ARHGEF18: variants seen among roughly 807,000 people sequenced by gnomAD.
The protein encoded by ARHGEF18 is Rho/Rac guanine nucleotide exchange factor 18.
A neutral mutation model predicts 155.7 loss-of-function variants in ARHGEF18; 93 were observed. That is an observed-to-expected ratio of 0.60 (90% CI 0.50 to 0.71). The LOEUF is 0.71. ARHGEF18 is among the 30% of genes least tolerant of loss of function. The probability of loss-of-function intolerance (pLI) is 0.00; values close to 1 mark genes in which losing one functional copy is unlikely to be tolerated. For synonymous variants in ARHGEF18, 742 were observed against 753.1 expected (o/e 0.99, Z 0.24); for missense variants, 1,593 against 1,816.1 (o/e 0.88, Z 2.23).
At chr19:7,449,732 A>G (rs1207802690) in intron 15 of ARHGEF18, among the ~76,000 whole-genome samples, 1 of 152,086 alleles carries the variant, frequency 6.6e-6, no homozygotes, top group East Asian at 1.9e-4. Context: ...GCTGGAGTGC[A>G]ATGGAAGAAT....
chr19:7,401,862 TGTG>T (rs1260813614), intron 10 of ARHGEF18, among the ~76,000 whole-genome samples: 2 of 151,992 alleles, frequency 1.3e-5, no homozygotes, highest in Non-Finnish European at 2.9e-5. Context: ...ATACATAAAA[TGTG>T]GTCCCGCCAT....
At position 7,440,964 on chromosome 19, in the gene ARHGEF18, C is replaced by T. The variant is rs1241830696; in HGVS notation, c.1106+482C>T. Among the ~76,000 whole-genome samples the T allele has an allele frequency of 1.3e-5, 2 of 152,016 alleles. No individual in the cohort carries two copies. The highest frequency in any genetic ancestry group is 3.9e-4 in the East Asian group (2 of 5,184). On this transcript the variant is annotated intron_variant, in intron 11 of 28. Transcript: ENST00000668164. This position sits in a 1 kb window ranked among gnomAD's most constrained non-coding sequence, Gnocchi z 5.4. ...GGAAAGGGAGTAAATTATCATTTTC[C>T]TCTGAGTAAGGACTGCCCTCCCACC...
chr19:7,405,806 G>C (rs377623704), intron 10 of ARHGEF18, among the ~76,000 whole-genome samples: 17 of 152,064 alleles, frequency 1.1e-4, no homozygotes, highest in African/African-American at 4.1e-4. Context: ...CTGTTTTGTA[G>C]AGATGGGGTT....
At chr19:7,460,285 T>TGG (rs1976133771) in intron 20 of ARHGEF18, among the ~76,000 whole-genome samples, 1 of 151,834 alleles carries the variant, frequency 6.6e-6, no homozygotes. Context: ...CACCACCCCA[T>TGG]CCTCGTGCAG....
chr19:7,397,748 T>A (rs113459316), intron 10 of ARHGEF18, among the ~76,000 whole-genome samples: 4,273 of 148,852 alleles, frequency 0.029, 176 homozygotes, highest in African/African-American at 0.092. Context: ...AAAAAAAAAA[T>A]TTTTTTTGTG....
At position 7,467,657 on chromosome 19, in the gene ARHGEF18, C is replaced by T. The variant is rs957393625; in HGVS notation, c.3453C>T (p.Gly1151=). 14 of 1,512,968 alleles carry T rather than the reference C, an allele frequency of 9.3e-6. No individual in the cohort carries two copies. Among genetic ancestry groups the T allele is most frequent in the South Asian group, 1.2e-5 (1 of 81,732 alleles). 93.7% of individuals were successfully genotyped at this position (1,512,968 alleles called of 1,614,324 possible). A position where few individuals can be genotyped will look rare whatever the true frequency, so the allele number is the denominator to read the frequency against. Residue 1151 remains glycine, a synonymous_variant, in exon 26 of 29, where the codon GGC becomes GGT. Transcript: ENST00000668164. ...RRLKKQNTAP[G]ALPPDTLAEA... is the part of the protein sequence containing the mutation. ...TCAAGAAGCAGAACACCGCGCCAGG[C>T]GCGCTGCCGCCCGACACACTGGCCG... is the stretch of plus-strand genomic sequence containing the variant.
At chr19:7,442,103 C>T (rs778264828) in intron 13 of ARHGEF18, 51 bp downstream of exon 13, 1 of 1,592,718 alleles carries the variant, frequency 6.3e-7, no homozygotes, top group Non-Finnish European at 8.6e-7. Flanking sequence ...ACTCTCTTCT[C>T]TGCTCCCTCC....
downstream of ARHGEF18, chr19:7,477,059 G>GC (rs1441019267): frequency 5.7e-6 from 4 of 696,290 alleles, no homozygotes; most frequent in Non-Finnish European, 8.4e-6. Flanking sequence ...GGGGGACCTC[G>GC]CATCAGTCCC....
At chr19:7,377,971 T>C (rs1970540119) in intron 5 of ARHGEF18, among the ~76,000 whole-genome samples, 1 of 151,858 alleles carries the variant, frequency 6.6e-6, no homozygotes, top group South Asian at 2.1e-4. Flanking sequence ...TGTGCGCCTG[T>C]AATCCCAGCT....
At chr19:7,416,333 G>T (rs1351934815) in intron 10 of ARHGEF18, among the ~76,000 whole-genome samples, 3 of 152,014 alleles carry the variant, frequency 2.0e-5, no homozygotes, top group Non-Finnish European at 4.4e-5. Context: ...TTGATTCCTT[G>T]AGCCCAGGAG....
chr19:7,459,368 ACAC>A (rs1350531699), intron 19 of ARHGEF18, among the ~76,000 whole-genome samples: 5 of 152,018 alleles, frequency 3.3e-5, no homozygotes, highest in Non-Finnish European at 7.4e-5. Flanking sequence ...CTACAGGCAT[ACAC>A]CACCACACCC....
chr19:7,455,949 T>TA (rs1304520895), intron 17 of ARHGEF18, among the ~76,000 whole-genome samples: 1 of 152,188 alleles, frequency 6.6e-6, no homozygotes, highest in Non-Finnish European at 1.5e-5. Flanking sequence ...AGGTCCCTCT[T>TA]ACAGCACGTG....
chr19:7,462,206 A>G lies in ARHGEF18; in HGVS notation c.2507A>G (p.Gln836Arg). The part of the protein sequence containing the change: ...LIAQSLLEKQ[Q>R]IYLEMAEMGG... ...GCACAGAGCCTCCTAGAGAAACAGC[A>G]GATCTACCTGGAGATGGCCGAGATG... Residue 836 changes from glutamine (Q) to arginine (R), a missense_variant, in exon 21 of 29, where the codon CAG becomes CGG. Transcript: ENST00000668164. The surrounding 1 kb of genome is among the most constrained non-coding windows in gnomAD (Gnocchi z 4.4). 1 of 1,614,028 alleles carries G rather than the reference A, an allele frequency of 6.2e-7. No individual in the cohort carries two copies. The highest frequency in any genetic ancestry group is 8.5e-7 in the Non-Finnish European group (1 of 1,180,032).
chr19:7,431,334 T>C (rs984309237), intron 10 of ARHGEF18, among the ~76,000 whole-genome samples: 1 of 151,500 alleles, frequency 6.6e-6, no homozygotes, highest in Non-Finnish European at 1.5e-5. Context: ...CTGGCCAACA[T>C]GGTAAAACCC....
At chr19:7,436,216 T>G (rs1013878622) in intron 10 of ARHGEF18, among the ~76,000 whole-genome samples, 5 of 136,078 alleles carry the variant, frequency 3.7e-5, no homozygotes, top group Non-Finnish European at 6.5e-5. Flanking sequence ...TTTTTTTTTT[T>G]GCCATCAACT....
chr19:7,370,291 C>T (rs1970142233), intron 2 of ARHGEF18, among the ~76,000 whole-genome samples: 1 of 152,032 alleles, frequency 6.6e-6, no homozygotes, highest in Non-Finnish European at 1.5e-5. Context: ...GTCAGGAGAT[C>T]GAGACCATCC....
In ARHGEF18 at chr19:7,467,411, C is replaced by T; in HGVS notation, c.3207C>T (p.Arg1069=). Residue 1069 remains arginine, a synonymous_variant, in exon 26 of 29, where the codon CGC becomes CGT. Coordinates refer to ENST00000668164, the MANE Select transcript of ARHGEF18 (RefSeq NM_001367823.1). The part of the protein sequence containing the change: ...LQSQLRHEQQ[R]WERERQWQHQ... ...GCCAGCTGCGGCACGAGCAGCAGCGCTGGGAGCGCGAGCGCCAGTGGCAGC... is the reference window on the plus strand; with the variant it reads ...GCCAGCTGCGGCACGAGCAGCAGCGTTGGGAGCGCGAGCGCCAGTGGCAGC... 5.2e-6 allele frequency: 8 copies of T among 1,532,676 alleles called. No homozygotes were observed. Among genetic ancestry groups the T allele is most frequent in the Non-Finnish European group, 7.0e-6 (8 of 1,145,688 alleles). 94.9% of individuals were successfully genotyped at this position (1,532,676 alleles called of 1,614,324 possible). A position where few individuals can be genotyped will look rare whatever the true frequency, so the allele number is the denominator to read the frequency against.
intron 10 of ARHGEF18, among the ~76,000 whole-genome samples, chr19:7,419,324 C>T (rs1424431285): frequency 6.6e-5 from 10 of 150,998 alleles, no homozygotes; most frequent in African/African-American, 1.5e-4. Flanking sequence ...CCCCCACACC[C>T]GGGTGTGCCC....
rs965689807 is a variant in ARHGEF18, at chr19:7,433,359, C to T, written c.968-6985C>T. Among the ~76,000 whole-genome samples, 54 of 151,716 alleles carry T rather than the reference C, an allele frequency of 3.6e-4. 1 individual carries two copies. Among genetic ancestry groups the T allele is most frequent in the Admixed American group, 1.9e-3 (29 of 15,184 alleles). On this transcript the variant is annotated intron_variant, in intron 10 of 28. Coordinates refer to ENST00000668164, the MANE Select transcript of ARHGEF18 (RefSeq NM_001367823.1). ...GGACACACCTGTAGTCCCAGCTACT[C>T]GGGAGGCTGAGGCAGGAGAATCACT...
Sources: allele counts gnomAD v4.1 joint callset (sites outside exome capture counted in the v4.1 genomes callset), GRCh38; gene constraint gnomAD v4.1.1; non-coding constraint Gnocchi (gnomAD v3.1); transcripts MANE v1.5; gene names NCBI Gene and HGNC (gene_info 2026-07-23, HGNC 2026-07-21).